Variants in ENTREP2 observed in about 807,000 individuals in gnomAD.
The protein encoded by ENTREP2 is endosomal transmembrane epsin interactor 2.
chr15:29,199,291 A>C, the ENTREP2 span, among the ~76,000 whole-genome samples: 1 of 152,162 alleles, frequency 6.6e-6, no homozygotes, highest in Non-Finnish European at 1.5e-5. Flanking sequence ...AAAGTACTGG[A>C]AGAGGTACTT....
At chr15:29,645,446 T>C in the ENTREP2 span, among the ~76,000 whole-genome samples, 186 of 152,184 alleles carry the variant, frequency 1.2e-3, no homozygotes, top group Non-Finnish European at 2.2e-3. Flanking sequence ...GCACGAATGT[T>C]GAAAACCGCA....
the ENTREP2 span, among the ~76,000 whole-genome samples, chr15:29,659,858 G>A: frequency 6.6e-6 from 1 of 151,636 alleles, no homozygotes; most frequent in Non-Finnish European, 1.5e-5. Flanking sequence ...GTGCAGTGGT[G>A]CTATATGTCA....
At chr15:29,196,902 T>C in the ENTREP2 span, among the ~76,000 whole-genome samples, 97 of 152,372 alleles carry the variant, frequency 6.4e-4, 2 homozygotes, top group South Asian at 0.019. Context: ...TGTGCTATCC[T>C]AGCTCTGTGC....
chr15:29,381,796 C>G, the ENTREP2 span: 7 of 1,551,440 alleles, frequency 4.5e-6, no homozygotes, highest in African/African-American at 9.6e-5. Flanking sequence ...GAGGCCTCTT[C>G]CAGGAGACGA....
the ENTREP2 span, among the ~76,000 whole-genome samples, chr15:29,391,832 G>A: frequency 0.031 from 4,685 of 152,246 alleles, 120 homozygotes; most frequent in Non-Finnish European, 0.047. Flanking sequence ...TTTTGTTGCT[G>A]TTGTTGTTTT....
chr15:29,293,936 CTG>C, the ENTREP2 span, among the ~76,000 whole-genome samples: 2 of 152,196 alleles, frequency 1.3e-5, no homozygotes, highest in Non-Finnish European at 2.9e-5. Flanking sequence ...TGTGGGGAAA[CTG>C]AGGGTGGGGG....
chr15:29,644,067 T>C, the ENTREP2 span, among the ~76,000 whole-genome samples: 1 of 152,152 alleles, frequency 6.6e-6, no homozygotes, highest in Admixed American at 6.5e-5. Context: ...ATGAATAAAA[T>C]AAAATGTGGT....
At chr15:29,329,614 C>T in the ENTREP2 span, among the ~76,000 whole-genome samples, 4 of 152,116 alleles carry the variant, frequency 2.6e-5, no homozygotes, top group Non-Finnish European at 5.9e-5. Context: ...AGAACCAGAG[C>T]TTTCTTGGAG....
the ENTREP2 span, among the ~76,000 whole-genome samples, chr15:29,240,201 A>G: frequency 2.0e-5 from 3 of 152,066 alleles, 1 homozygote; most frequent in Non-Finnish European, 4.4e-5. Flanking sequence ...TGTCTCTACT[A>G]AAAATACAAA....
the ENTREP2 span, chr15:29,123,216 G>T: frequency 1.9e-6 from 2 of 1,052,396 alleles, no homozygotes; most frequent in Non-Finnish European, 2.7e-6. Flanking sequence ...CATCCTGGGT[G>T]TCCCCCCCAC....
At chr15:29,432,700 C>A in the ENTREP2 span, among the ~76,000 whole-genome samples, 1 of 152,178 alleles carries the variant, frequency 6.6e-6, no homozygotes, top group Non-Finnish European at 1.5e-5. Flanking sequence ...GCATGGCAGC[C>A]CACACCTACA....
At chr15:29,224,615 G>C in the ENTREP2 span, among the ~76,000 whole-genome samples, 5 of 152,232 alleles carry the variant, frequency 3.3e-5, no homozygotes, top group African/African-American at 1.2e-4. Context: ...AGTGTCCACT[G>C]GTGTATTTAC....
chr15:29,167,970 T>C, the ENTREP2 span, among the ~76,000 whole-genome samples: 28 of 152,274 alleles, frequency 1.8e-4, no homozygotes, highest in African/African-American at 6.3e-4. Flanking sequence ...GGTATATATA[T>C]ATGATGGAAT....
the ENTREP2 span, among the ~76,000 whole-genome samples, chr15:29,178,981 A>G: frequency 6.6e-6 from 1 of 152,192 alleles, no homozygotes; most frequent in Admixed American, 6.5e-5. Flanking sequence ...TAAACTAGAA[A>G]GGTTTTGCTA....
At chr15:29,506,578 G>A in the ENTREP2 span, among the ~76,000 whole-genome samples, 2 of 152,162 alleles carry the variant, frequency 1.3e-5, no homozygotes, top group Non-Finnish European at 2.9e-5. Flanking sequence ...AACCCTACAA[G>A]CCAGAAGAGA....
chr15:29,310,040 A>C, the ENTREP2 span, among the ~76,000 whole-genome samples: 1 of 152,124 alleles, frequency 6.6e-6, no homozygotes, highest in Non-Finnish European at 1.5e-5. Flanking sequence ...TCTTCATGAG[A>C]TGAGCCAGAC....
At chr15:29,476,876 G>T in the ENTREP2 span, among the ~76,000 whole-genome samples, 1 of 152,280 alleles carries the variant, frequency 6.6e-6, no homozygotes, top group Non-Finnish European at 1.5e-5. Context: ...GACAACAGTT[G>T]AACACAGGCA....
At chr15:29,294,607 A>G in the ENTREP2 span, among the ~76,000 whole-genome samples, 1 of 152,168 alleles carries the variant, frequency 6.6e-6, no homozygotes, top group African/African-American at 2.4e-5. Flanking sequence ...GTTATTTGTT[A>G]CCTGGGAAAC....
the ENTREP2 span, among the ~76,000 whole-genome samples, chr15:29,125,298 AG>A: frequency 1.3e-5 from 2 of 152,238 alleles, no homozygotes; most frequent in Non-Finnish European, 2.9e-5. Context: ...AAACCAGCAG[AG>A]GGGGGTGTTT....
Sources: allele counts gnomAD v4.1 joint callset (sites outside exome capture counted in the v4.1 genomes callset), GRCh38; gene constraint gnomAD v4.1.1; transcripts MANE v1.5; gene names NCBI Gene and HGNC (gene_info 2026-07-23, HGNC 2026-07-21).